The following CCSER1 variants were observed in gnomAD, a reference collection of about 807,000 sequenced individuals.
The protein encoded by CCSER1 is serine-rich coiled-coil domain-containing protein 1.
A neutral mutation model predicts 82.0 loss-of-function variants in CCSER1; 41 were observed. The ratio of observed to expected loss-of-function variants is 0.50; its 90% CI spans 0.39 to 0.65. CCSER1 has a LOEUF of 0.65. Among genes scored for constraint, CCSER1 ranks in the 30% least tolerant of loss-of-function variants. CCSER1 has a pLI of 0.00. For synonymous variants in CCSER1, 414 were observed against 383.9 expected, an observed-to-expected ratio of 1.08 and a Z score of -0.92; for missense variants, 1,119 against 1,064.2, an observed-to-expected ratio of 1.05 and a Z score of -0.72.
intron 1 of CCSER1, among the ~76,000 whole-genome samples, chr4:90,298,524 G>T (rs943956223): frequency 6.6e-6 from 1 of 151,376 alleles, no homozygotes; most frequent in Non-Finnish European, 1.5e-5. Flanking sequence ...GTTATTTCTT[G>T]CCTTCTGCTA....
At chr4:91,357,346 T>A (rs1748914201) in intron 10 of CCSER1, among the ~76,000 whole-genome samples, 2 of 152,180 alleles carry the variant, frequency 1.3e-5, no homozygotes, top group African/African-American at 4.8e-5. Flanking sequence ...AGGTAAGATT[T>A]TATAGACTCT....
At chr4:91,576,347 A>T (rs1441139999) in intron 10 of CCSER1, among the ~76,000 whole-genome samples, 2 of 152,036 alleles carry the variant, frequency 1.3e-5, no homozygotes, top group Non-Finnish European at 2.9e-5. Context: ...ATCTAAAAAA[A>T]GTCCAACTCA....
rs34691316 is a variant in CCSER1, at chr4:90,567,013, T to TAA, written c.1725-61002_1725-61001dup. 3.4e-5 allele frequency among the ~76,000 whole-genome samples: 4 copies of TAA among 116,120 alleles called. No individual in the cohort carries two copies. In the East Asian group the frequency reaches 7.4e-4, roughly 21 times the overall value. The allele number at this position is 116,120 out of a possible 152,430, so 76.2% of individuals were successfully genotyped here. On this transcript the variant is annotated intron_variant, in intron 5 of 10. Transcript: ENST00000509176. ...TAAAGGTTTATTGGTTTTGCTTACTTAAAAAAAAAAACAAAAACAAAAACA... is the reference window on the plus strand; with the variant it reads ...TAAAGGTTTATTGGTTTTGCTTACTTAAAAAAAAAAAAACAAAAACAAAAACA...
intron 3 of CCSER1, among the ~76,000 whole-genome samples, chr4:90,396,800 CT>C (rs1752025207): frequency 6.6e-6 from 1 of 151,788 alleles, no homozygotes; most frequent in South Asian, 2.1e-4. Flanking sequence ...TGTCTTTCTT[CT>C]TTTCTTTCTT....
chr4:90,260,333 A>C (rs777030406), intron 1 of CCSER1, among the ~76,000 whole-genome samples: 8 of 152,032 alleles, frequency 5.3e-5, no homozygotes, highest in Non-Finnish European at 8.8e-5. Flanking sequence ...TGCCTTGATG[A>C]TCTGTCTAGT....
In CCSER1 at chr4:91,602,998, T is replaced by C. The variant is rs1764866491; in HGVS notation, c.*3941T>C. Among the ~76,000 whole-genome samples the C allele has an allele frequency of 6.6e-6, 1 of 152,114 alleles. No individual in the cohort carries two copies. The highest frequency in any genetic ancestry group is 2.4e-5 in the African/African-American group (1 of 41,458). ...TCACATGTAATATTCTTGGGAAATT[T>C]ACCTCTCCTAGAGTTTAAGCTTTTT... On this transcript the variant is annotated 3_prime_UTR_variant, in exon 11 of 11. Coordinates refer to ENST00000509176, the MANE Select transcript of CCSER1 (RefSeq NM_001145065.2).
In CCSER1 at chr4:90,243,767, C is replaced by T. The variant is rs912513850; in HGVS notation, c.-41-64477C>T. On this transcript the variant is annotated intron_variant, in intron 1 of 10. Coordinates refer to ENST00000509176, the MANE Select transcript of CCSER1 (RefSeq NM_001145065.2). ...CCTAAAGTGCATACACAGGTGAAAA[C>T]GAAAATGTGACATAAATAAGCAGGG... Among the ~76,000 whole-genome samples, 7 of 151,780 alleles carry T rather than the reference C, an allele frequency of 4.6e-5. No individual in the cohort carries two copies. The East Asian group carries it at 7.7e-4, about 17-fold the overall frequency.
chr4:91,422,073 A>G (rs2149384062), intron 10 of CCSER1, among the ~76,000 whole-genome samples: 1 of 152,310 alleles, frequency 6.6e-6, no homozygotes, highest in East Asian at 1.9e-4. Flanking sequence ...ATTCTCTTCC[A>G]GAGCCTCCAG....
In CCSER1 at chr4:91,266,529, A is replaced by G. The variant is rs184837543; in HGVS notation, c.2217+180535A>G. On this transcript the variant is annotated intron_variant, in intron 10 of 10. Coordinates refer to ENST00000509176, the MANE Select transcript of CCSER1 (RefSeq NM_001145065.2). ...GCCTCCCAAAGTGCTGGGATTACAG[A>G]CGTGAGCCACAGCGCCCGGCCTTAA... is the stretch of plus-strand genomic sequence containing the variant. Among the ~76,000 whole-genome samples, 52 of 151,998 alleles carry G rather than the reference A, an allele frequency of 3.4e-4. No individual in the cohort carries two copies. In the East Asian group the frequency reaches 8.6e-3, roughly 25 times the overall value.
chr4:90,399,971 A>G (rs1035513913), intron 3 of CCSER1, 65 bp from the exon 4 acceptor site: 6 of 841,046 alleles, frequency 7.1e-6, no homozygotes, highest in African/African-American at 6.7e-5. Flanking sequence ...CGGCTTCCAC[A>G]TATGAGTATT....
chr4:90,167,819 G>A (rs917094431), intron 1 of CCSER1, among the ~76,000 whole-genome samples: 6 of 151,908 alleles, frequency 3.9e-5, no homozygotes, highest in African/African-American at 1.5e-4. Context: ...CTTTTTTATG[G>A]CTGCATAGTA....
intron 3 of CCSER1, among the ~76,000 whole-genome samples, chr4:90,316,746 A>T (rs1203835665): frequency 6.6e-6 from 1 of 152,118 alleles, no homozygotes; most frequent in Admixed American, 6.6e-5. Flanking sequence ...ATATTACCTG[A>T]TGGATTAGAT....
At chr4:90,762,230 A>G (rs564442682) in intron 7 of CCSER1, among the ~76,000 whole-genome samples, 6 of 152,218 alleles carry the variant, frequency 3.9e-5, no homozygotes, top group African/African-American at 1.4e-4. Context: ...TGATGGTTTT[A>G]TAAGGGGCTT....
chr4:90,217,132 A>G (rs1741191952), intron 1 of CCSER1, among the ~76,000 whole-genome samples: 1 of 152,140 alleles, frequency 6.6e-6, no homozygotes, highest in South Asian at 2.1e-4. Flanking sequence ...TTGATTTTGT[A>G]TCCTGAAACT....
intron 10 of CCSER1, among the ~76,000 whole-genome samples, chr4:91,135,678 A>C (rs1484603414): frequency 1.3e-5 from 2 of 152,128 alleles, no homozygotes; most frequent in African/African-American, 4.8e-5. Context: ...AGACATATAC[A>C]CAAAAGAAAA....
At chr4:90,277,853 A>G (rs928239962) in intron 1 of CCSER1, among the ~76,000 whole-genome samples, 2 of 152,162 alleles carry the variant, frequency 1.3e-5, no homozygotes, top group Non-Finnish European at 2.9e-5. Context: ...TAAAGTAAAG[A>G]GCTTCTGCAC....
chr4:90,220,943 A>C (rs926854094), intron 1 of CCSER1, among the ~76,000 whole-genome samples: 6 of 152,214 alleles, frequency 3.9e-5, no homozygotes, highest in African/African-American at 1.4e-4. Flanking sequence ...ATGCTAATTT[A>C]GTTATGTGGT....
intron 9 of CCSER1, among the ~76,000 whole-genome samples, chr4:91,013,358 T>C (rs190567298): frequency 7.5e-6 from 1 of 133,690 alleles, no homozygotes; most frequent in East Asian, 2.4e-4. Context: ...GGCACTCTTG[T>C]TGAAGATCAT....
intron 3 of CCSER1, among the ~76,000 whole-genome samples, chr4:90,333,263 A>G (rs890457568): frequency 5.9e-5 from 9 of 152,130 alleles, no homozygotes; most frequent in Non-Finnish European, 1.3e-4. Flanking sequence ...TGCCTTTTAC[A>G]TAGGGTGCTC....
Sources: gnomAD v4.1 joint callset for allele counts (sites outside exome capture counted in the v4.1 genomes callset) on GRCh38, gnomAD v4.1.1 for gene constraint, MANE v1.5 for transcripts, NCBI Gene and HGNC (gene_info 2026-07-23, HGNC 2026-07-21) for gene names.